The following SV2C variants were observed in gnomAD, a reference collection of about 807,000 sequenced individuals.
SV2C encodes the protein synaptic vesicle glycoprotein 2C, also known as solute carrier family 22 member B3.
A neutral mutation model predicts 79.7 loss-of-function variants in SV2C; 49 were observed. That is an observed-to-expected ratio of 0.61 (90% CI 0.49 to 0.78). The LOEUF (loss-of-function observed/expected upper bound fraction) is 0.78. Ranked by LOEUF, SV2C falls within the 30% of genes least tolerant of loss-of-function variation. SV2C has a pLI of 0.00. For synonymous variants in SV2C, 334 were observed against 333.2 expected (o/e 1.00, Z -0.03); for missense variants, 833 against 912.9 (o/e 0.91, Z 1.13).
the SV2C span, among the ~76,000 whole-genome samples, chr5:75,890,111 C>A: frequency 6.6e-6 from 1 of 152,024 alleles, no homozygotes; most frequent in Admixed American, 6.6e-5. Context: ...ATTTTCAATG[C>A]ATTATATTTA....
the SV2C span, among the ~76,000 whole-genome samples, chr5:75,975,946 A>G: frequency 3.9e-5 from 6 of 152,210 alleles, no homozygotes; most frequent in Non-Finnish European, 7.3e-5. Flanking sequence ...GTTTTGTATC[A>G]TTAGCTATAA....
At chr5:76,147,889 G>A (rs1200266776) in intron 2 of SV2C, among the ~76,000 whole-genome samples, 4 of 151,920 alleles carry the variant, frequency 2.6e-5, no homozygotes, top group African/African-American at 7.3e-5. Context: ...TAATTTAAAC[G>A]CTTCCTGATG....
At chr5:76,090,318 A>G (rs1229591140) in intron 1 of SV2C, among the ~76,000 whole-genome samples, 2 of 152,278 alleles carry the variant, frequency 1.3e-5, no homozygotes, top group African/African-American at 2.4e-5. Context: ...GGCCCTGCCA[A>G]TTGTGTAGGT....
the SV2C span, among the ~76,000 whole-genome samples, chr5:75,858,067 C>T: frequency 6.6e-6 from 1 of 152,132 alleles, no homozygotes; most frequent in Non-Finnish European, 1.5e-5. Context: ...AATTTGACTT[C>T]TTCCTTTTTA....
intron 3 of SV2C, among the ~76,000 whole-genome samples, chr5:76,209,279 A>G (rs1324269980): frequency 5.9e-5 from 9 of 152,220 alleles, no homozygotes; most frequent in African/African-American, 2.2e-4. Flanking sequence ...CAGATTGCAG[A>G]CAGTACCCTA....
At chr5:75,985,194 G>A in the SV2C span, among the ~76,000 whole-genome samples, 1 of 151,878 alleles carries the variant, frequency 6.6e-6, no homozygotes, top group Non-Finnish European at 1.5e-5. Flanking sequence ...CTGGAAGCTA[G>A]ACTCATTTTA....
chr5:76,181,941 T>TA (rs1177802743), intron 2 of SV2C, among the ~76,000 whole-genome samples: 8 of 152,206 alleles, frequency 5.3e-5, no homozygotes, highest in African/African-American at 1.9e-4. Flanking sequence ...CTCCACACAC[T>TA]AAACCCAGTC....
the SV2C span, among the ~76,000 whole-genome samples, chr5:75,943,738 CCT>C: frequency 3.3e-5 from 5 of 152,088 alleles, no homozygotes; most frequent in Non-Finnish European, 7.4e-5. Flanking sequence ...CAGTCTTTTC[CCT>C]CTCTAACACC....
At chr5:75,907,456 G>T in the SV2C span, among the ~76,000 whole-genome samples, 4 of 152,130 alleles carry the variant, frequency 2.6e-5, no homozygotes, top group Admixed American at 6.6e-5. Context: ...ACCCTTGCAG[G>T]CTATGGAGCA....
intron 1 of SV2C, among the ~76,000 whole-genome samples, chr5:76,112,126 A>C (rs187043765): frequency 6.6e-6 from 1 of 152,370 alleles, no homozygotes; most frequent in East Asian, 1.9e-4. Flanking sequence ...CAAAATAGGA[A>C]GAGTTCCTTT....
At chr5:76,080,641 C>G (rs905851766), upstream of SV2C, among the ~76,000 whole-genome samples, 3 of 152,164 alleles carry the variant, frequency 2.0e-5, no homozygotes, top group African/African-American at 7.2e-5. Context: ...GATGCGAAAA[C>G]AGACCTCTCA....
chr5:76,228,989 T>C (rs1056145278), intron 4 of SV2C, among the ~76,000 whole-genome samples: 2 of 152,232 alleles, frequency 1.3e-5, no homozygotes, highest in Non-Finnish European at 2.9e-5. Flanking sequence ...GTACTCACTG[T>C]GGCCCATGCC....
intron 12 of SV2C, among the ~76,000 whole-genome samples, chr5:76,303,173 A>G (rs1748068805): frequency 6.6e-6 from 1 of 152,192 alleles, no homozygotes; most frequent in African/African-American, 2.4e-5. Flanking sequence ...TGACCCACCT[A>G]TTAAATATTT....
chr5:76,228,384 G>A (rs910588038), intron 4 of SV2C, among the ~76,000 whole-genome samples: 1 of 152,180 alleles, frequency 6.6e-6, no homozygotes, highest in Non-Finnish European at 1.5e-5. Context: ...GTAACTCACA[G>A]AGGAATCACA....
the SV2C span, among the ~76,000 whole-genome samples, chr5:75,914,767 C>G: frequency 6.6e-6 from 1 of 152,132 alleles, no homozygotes; most frequent in African/African-American, 2.4e-5. Context: ...ATTATTACAG[C>G]CTGAGCTAAA....
the SV2C span, among the ~76,000 whole-genome samples, chr5:75,857,120 G>A: frequency 6.6e-6 from 1 of 151,864 alleles, no homozygotes; most frequent in African/African-American, 2.4e-5. Context: ...ACCACGCCTG[G>A]CTAATTTTTT....
chr5:76,317,376 A>T (rs1389863395), intron 12 of SV2C, among the ~76,000 whole-genome samples: 1 of 152,086 alleles, frequency 6.6e-6, no homozygotes, highest in Non-Finnish European at 1.5e-5. Flanking sequence ...CCAATTATTT[A>T]ACTGAGTTGT....
the SV2C span, among the ~76,000 whole-genome samples, chr5:75,997,689 C>G: frequency 6.6e-6 from 1 of 152,266 alleles, no homozygotes; most frequent in African/African-American, 2.4e-5. Flanking sequence ...AGTCAGGAAA[C>G]AACAAGTGCT....
chr5:76,296,642 A>G (rs1288163406), intron 9 of SV2C, among the ~76,000 whole-genome samples: 1 of 152,232 alleles, frequency 6.6e-6, no homozygotes, highest in African/African-American at 2.4e-5. Context: ...GTGTAAGTTC[A>G]TGATAGTTTA....
Sources: gnomAD v4.1 joint callset for allele counts (sites outside exome capture counted in the v4.1 genomes callset) on GRCh38, gnomAD v4.1.1 for gene constraint, MANE v1.5 for transcripts, NCBI Gene and HGNC (gene_info 2026-07-23, HGNC 2026-07-21) for gene names.